Variants in DLG2 observed in about 807,000 individuals in gnomAD.
The protein encoded by DLG2 is discs large MAGUK scaffold protein 2.
Under a neutral mutation model 132.5 loss-of-function variants are expected in DLG2, and 45 were observed. That is an observed-to-expected ratio of 0.34 (90% CI 0.27 to 0.44). The LOEUF is 0.44. DLG2 is among the 20% of genes least tolerant of loss of function. The probability of loss-of-function intolerance (pLI) is 1.00; values close to 1 mark genes in which losing one functional copy is unlikely to be tolerated. For missense variants in DLG2, 1,045 were observed against 1,196.9 expected, an observed-to-expected ratio of 0.87 and a Z score of 1.87; for synonymous variants, 424 against 419.6, an observed-to-expected ratio of 1.01 and a Z score of -0.13.
At chr11:83,900,442 T>C (rs2073097438) in intron 15 of DLG2, among the ~76,000 whole-genome samples, 1 of 152,144 alleles carries the variant, frequency 6.6e-6, no homozygotes, top group South Asian at 2.1e-4. Context: ...AAAAGTGGTT[T>C]TGTGGGCTGG....
In DLG2 at chr11:85,219,999, A is replaced by C. The variant is rs537994076; in HGVS notation, c.186+65221T>G. ...ACAACTGCTTTTTGTCTTAATTTGG[A>C]GAGTTTATTCATTCATTCATTCCTC... On this transcript the variant is annotated intron_variant, in intron 4 of 27. Transcript: ENST00000376104. Among the ~76,000 whole-genome samples the C allele has an allele frequency of 5.3e-5, 8 of 152,052 alleles. No individual in the cohort carries two copies. The East Asian group carries it at 1.5e-3, about 29-fold the overall frequency.
intron 2 of DLG2, among the ~76,000 whole-genome samples, chr11:85,608,500 C>G (rs973541030): frequency 6.6e-6 from 1 of 152,174 alleles, no homozygotes; most frequent in Non-Finnish European, 1.5e-5. Flanking sequence ...GAATACATAA[C>G]TATGCAAAGC....
chr11:85,332,073 C>T (rs947187891), intron 3 of DLG2, among the ~76,000 whole-genome samples: 1 of 152,104 alleles, frequency 6.6e-6, no homozygotes, highest in Non-Finnish European at 1.5e-5. Context: ...CTAATTTATA[C>T]TCACACCAAC....
chr11:83,967,452 T>C (rs997118326), intron 12 of DLG2, among the ~76,000 whole-genome samples: 2 of 152,154 alleles, frequency 1.3e-5, no homozygotes, highest in Admixed American at 6.6e-5. Flanking sequence ...TGATATCTCA[T>C]GGCAGTTTAG....
At chr11:85,313,119 C>T (rs2080421425) in intron 3 of DLG2, among the ~76,000 whole-genome samples, 1 of 151,692 alleles carries the variant, frequency 6.6e-6, no homozygotes, top group Non-Finnish European at 1.5e-5. Context: ...TCAGGGAAGT[C>T]ATATTTAGAA....
In DLG2 at chr11:83,469,281, G is replaced by A; in HGVS notation, c.2539C>T (p.His847Tyr). The A allele has an allele frequency of 6.2e-7, 1 of 1,613,690 alleles. No homozygotes were observed. Among genetic ancestry groups the A allele is most frequent in the Non-Finnish European group, 8.5e-7 (1 of 1,179,778 alleles). The change falls in exon 25 of 28, where the codon CAC becomes TAC. Residue 847 changes from histidine to tyrosine, a missense_variant. Physicochemically the swap from His to Tyr is moderately conservative, Grantham distance 83. Coordinates refer to ENST00000376104, the MANE Select transcript of DLG2 (RefSeq NM_001142699.3). ...TACTGGCCGGCTTCTATAAACTTGT[G>A]CTCTTGGATATCTTTCTCCATTTGT... is the stretch of plus-strand genomic sequence containing the variant. The part of the protein sequence containing the change: ...REQMEKDIQE[H>Y]KFIEAGQYND...
intron 17 of DLG2, chr11:83,790,908 G>C: frequency 1.1e-6 from 1 of 893,026 alleles, no homozygotes; most frequent in Non-Finnish European, 1.8e-6. Context: ...TAAAGGCACA[G>C]TATACTGAAT....
At chr11:85,515,346 G>T (rs1343501194) in intron 3 of DLG2, among the ~76,000 whole-genome samples, 1 of 152,076 alleles carries the variant, frequency 6.6e-6, no homozygotes, top group South Asian at 2.1e-4. Flanking sequence ...GCAAGAACTT[G>T]TGTAGGTATG....
chr11:85,206,331 A>G (rs2081891247), intron 4 of DLG2, among the ~76,000 whole-genome samples: 1 of 152,164 alleles, frequency 6.6e-6, no homozygotes, highest in African/African-American at 2.4e-5. Context: ...ATAGAAATGC[A>G]AGAACAGACT....
intron 18 of DLG2, among the ~76,000 whole-genome samples, chr11:83,684,244 C>A (rs1477452459): frequency 1.3e-5 from 2 of 151,998 alleles, no homozygotes; most frequent in Non-Finnish European, 2.9e-5. Context: ...GAGCTCCTCC[C>A]GATCAGAAAC....
chr11:85,144,003 G>C (rs1264962208), intron 5 of DLG2, among the ~76,000 whole-genome samples: 2 of 151,810 alleles, frequency 1.3e-5, no homozygotes, highest in South Asian at 2.1e-4. Context: ...TGGATGATCT[G>C]TTCAATGCTA....
rs6592127 is a variant in DLG2 at position 83,571,039 on chromosome 11, C to T, written c.1941-29181G>A. On this transcript the variant is annotated intron_variant, in intron 19 of 27. Transcript: ENST00000376104. Reference sequence around the variant, plus strand: ...CCGGGATTACAGGCATGCACCACCACGCCCGGCTAATTTTGTATTTTTAGT... The same window carrying T: ...CCGGGATTACAGGCATGCACCACCATGCCCGGCTAATTTTGTATTTTTAGT... 9.4e-3 allele frequency among the ~76,000 whole-genome samples: 1,436 copies of T among 152,084 alleles called. 19 individuals carry two copies. Among genetic ancestry groups the T allele is most frequent in the African/African-American group, 0.033 (1,366 of 41,488 alleles).
intron 9 of DLG2, among the ~76,000 whole-genome samples, chr11:84,106,977 A>AGG (rs1555348650): frequency 0.079 from 7,585 of 96,498 alleles, 290 homozygotes; most frequent in East Asian, 0.15. Context: ...TTTTAGCCTT[A>AGG]GGGTGTGTGT....
At chr11:85,347,573 A>G (rs1455211041) in intron 3 of DLG2, among the ~76,000 whole-genome samples, 1 of 152,024 alleles carries the variant, frequency 6.6e-6, no homozygotes, top group Non-Finnish European at 1.5e-5. Context: ...TCCCCTATAT[A>G]AAAGGGTATA....
intron 9 of DLG2, among the ~76,000 whole-genome samples, chr11:84,136,489 C>T (rs1286150963): frequency 6.6e-6 from 1 of 151,982 alleles, no homozygotes; most frequent in Non-Finnish European, 1.5e-5. Context: ...CACATCTGTG[C>T]TATAAGAAAA....
At chr11:84,595,178 C>A (rs1028300277) in intron 6 of DLG2, among the ~76,000 whole-genome samples, 3 of 152,046 alleles carry the variant, frequency 2.0e-5, no homozygotes, top group African/African-American at 7.3e-5. Context: ...GATCTCTGTT[C>A]ATTGTAACCT....
At chr11:84,199,191 G>C (rs903636433) in intron 8 of DLG2, among the ~76,000 whole-genome samples, 1 of 152,070 alleles carries the variant, frequency 6.6e-6, no homozygotes, top group South Asian at 2.1e-4. Context: ...TTTGAATCTA[G>C]GCTCACAAAC....
intron 4 of DLG2, 29 bp downstream of exon 4, chr11:85,285,191 C>T: frequency 1.3e-6 from 2 of 1,598,840 alleles, no homozygotes; most frequent in Non-Finnish European, 1.7e-6. Context: ...TAGTATTATT[C>T]AGTTCTTTTG....
In DLG2 at chr11:84,710,873, A is replaced by G. The variant is rs76360520; in HGVS notation, c.358-176142T>C. ...CTTATTTATAAGATTTCCAGAAGCCATCATTCAGGATGCTATTGTTATTCT... is the reference window on the plus strand; with the variant it reads ...CTTATTTATAAGATTTCCAGAAGCCGTCATTCAGGATGCTATTGTTATTCT... On this transcript the variant is annotated intron_variant, in intron 6 of 27. Coordinates refer to ENST00000376104, the MANE Select transcript of DLG2 (RefSeq NM_001142699.3). Among the ~76,000 whole-genome samples the G allele has an allele frequency of 6.5e-4, 99 of 151,466 alleles. 1 individual carries two copies. In the East Asian group the frequency reaches 0.018, roughly 28 times the overall value.
Sources: gnomAD v4.1 joint callset for allele counts (sites outside exome capture counted in the v4.1 genomes callset) on GRCh38, gnomAD v4.1.1 for gene constraint, MANE v1.5 for transcripts, NCBI Gene and HGNC (gene_info 2026-07-23, HGNC 2026-07-21) for gene names.